Variants in KIAA0232 observed in about 807,000 individuals in gnomAD.
KIAA0232 encodes KIAA0232.
In KIAA0232, 27 loss-of-function variants were observed where a neutral mutation model predicts 122.0. That is an observed-to-expected ratio of 0.22 (90% CI 0.16 to 0.31). The LOEUF (loss-of-function observed/expected upper bound fraction) is 0.31. Ranked by LOEUF, KIAA0232 falls within the 10% of genes least tolerant of loss-of-function variation. KIAA0232 has a pLI of 1.00. For synonymous variants in KIAA0232, 613 were observed against 587.6 expected, an observed-to-expected ratio of 1.04 and a Z score of -0.63; for missense variants, 1,551 against 1,634.2, an observed-to-expected ratio of 0.95 and a Z score of 0.88.
intron 3 of KIAA0232, among the ~76,000 whole-genome samples, chr4:6,836,983 T>C (rs930078754): frequency 2.6e-5 from 4 of 152,216 alleles, no homozygotes; most frequent in African/African-American, 7.2e-5. Flanking sequence ...TCTCCCTTTC[T>C]TTTCCCCACA....
intron 1 of KIAA0232, among the ~76,000 whole-genome samples, chr4:6,800,374 T>C (rs532957277): frequency 6.6e-6 from 1 of 151,230 alleles, no homozygotes; most frequent in African/African-American, 2.4e-5. Flanking sequence ...TGATGTGTTC[T>C]GATTTTATTA....
rs1275128151 is a variant in KIAA0232, at chr4:6,849,639, TGTG to T, written c.369+7442_369+7444del. ...TCAAACAAAGAAAAAATTAGCCGGATGTGGTGGTGCATGCCTGTAGTCCCAGCT... is the reference window on the plus strand; with the variant it reads ...TCAAACAAAGAAAAAATTAGCCGGATGTGGTGCATGCCTGTAGTCCCAGCT... On this transcript the variant is annotated intron_variant, in intron 4 of 9. Transcript: ENST00000307659. Among the ~76,000 whole-genome samples the T allele has an allele frequency of 7.9e-5, 12 of 151,870 alleles. No individual in the cohort carries two copies. The South Asian group carries it at 2.3e-3, about 29-fold the overall frequency.
chr4:6,880,734 CT>C, intron 9 of KIAA0232, 52 bp from the exon 10 acceptor site: 1 of 1,297,356 alleles, frequency 7.7e-7, no homozygotes, highest in East Asian at 2.6e-5. Flanking sequence ...GTATCTCACC[CT>C]TTTGGGGAAA....
chr4:6,876,598 A>C (rs1472925074), intron 8 of KIAA0232, 62 bp from the exon 9 acceptor site: 2 of 1,104,430 alleles, frequency 1.8e-6, no homozygotes. Flanking sequence ...ATGTTTCATA[A>C]CTGTGTCTTA....
chr4:6,863,398 G>A lies in KIAA0232; in HGVS notation c.3016G>A (p.Glu1006Lys). Residue 1006 changes from glutamate to lysine, a missense_variant, in exon 7 of 10, where the codon GAA (glutamate) becomes AAA (lysine). By Grantham distance (56) the Glu-to-Lys change is moderately conservative. Transcript: ENST00000307659. ...ACAGAATGATCAGCCGAAGAGTGGG[G>A]AAAATGGGTTAAATAAGGGATTTTC... ...FEQNDQPKSG[E>K]NGLNKGFSFI... 6.2e-7 allele frequency: 1 copy of A among 1,614,130 alleles called. No individual in the cohort carries two copies. The highest frequency in any genetic ancestry group is 8.5e-7 in the Non-Finnish European group (1 of 1,180,030).
intron 4 of KIAA0232, among the ~76,000 whole-genome samples, chr4:6,845,362 T>A (rs1055761210): frequency 1.2e-4 from 19 of 152,094 alleles, no homozygotes; most frequent in African/African-American, 4.6e-4. Flanking sequence ...GTTTTTTGTT[T>A]TAATTTTAAA....
intron 1 of KIAA0232, among the ~76,000 whole-genome samples, chr4:6,785,587 T>C (rs911829708): frequency 1.3e-5 from 2 of 152,258 alleles, no homozygotes; most frequent in South Asian, 4.1e-4. Context: ...TCAGATTACT[T>C]GCTTTGCTTA....
rs1716538033 is a variant in KIAA0232, at chr4:6,784,724, C to A, written c.-354+1883C>A. On this transcript the variant is annotated intron_variant, in intron 1 of 9. Coordinates refer to ENST00000307659, the MANE Select transcript of KIAA0232 (RefSeq NM_014743.3). Reference sequence around the variant, plus strand: ...GGGTATAATGGTTTTTATGTAAGCCCGTTACATCAGTGAAATGCCAGTTTT... The same window carrying A: ...GGGTATAATGGTTTTTATGTAAGCCAGTTACATCAGTGAAATGCCAGTTTT... Among the ~76,000 whole-genome samples, 3 of 152,170 alleles carry A rather than the reference C, an allele frequency of 2.0e-5. No individual in the cohort carries two copies. In the East Asian group the frequency reaches 5.8e-4, roughly 29 times the overall value.
intron 1 of KIAA0232, among the ~76,000 whole-genome samples, chr4:6,798,133 A>G (rs1037792167): frequency 1.3e-5 from 2 of 152,208 alleles, no homozygotes; most frequent in African/African-American, 4.8e-5. Flanking sequence ...ATAGTATGAT[A>G]GAAAGGGCAC....
At chr4:6,834,435 T>G (rs1195178282) in intron 3 of KIAA0232, among the ~76,000 whole-genome samples, 3 of 152,202 alleles carry the variant, frequency 2.0e-5, no homozygotes, top group Non-Finnish European at 4.4e-5. Flanking sequence ...ATACAAATAT[T>G]TCCTTCAAAT....
In KIAA0232 at chr4:6,862,781, CAG is replaced by C; in HGVS notation, c.2401_2402del (p.Glu801LysfsTer5). 1 of 1,613,928 alleles carries C rather than the reference CAG, an allele frequency of 6.2e-7. No homozygotes were observed. The highest frequency in any genetic ancestry group is 8.5e-7 in the Non-Finnish European group (1 of 1,179,974). ...TGTGGTATTCAGCTAGAACAAAAAA[CAG>C]AAAACAAAAATTTTGAAACTACACA... On this transcript the variant is annotated frameshift_variant, in exon 7 of 10. Transcript: ENST00000307659. LOFTEE classifies it high-confidence loss of function.
At chr4:6,865,167 A>T (rs1345499533) in intron 7 of KIAA0232, among the ~76,000 whole-genome samples, 1 of 152,222 alleles carries the variant, frequency 6.6e-6, no homozygotes, top group East Asian at 1.9e-4. Context: ...GGTTAAACTG[A>T]TTGTACAAGA....
At chr4:6,805,868 T>C (rs890921701) in intron 2 of KIAA0232, among the ~76,000 whole-genome samples, 1 of 152,184 alleles carries the variant, frequency 6.6e-6, no homozygotes, top group African/African-American at 2.4e-5. Context: ...TTTCCATTTT[T>C]CCTAATTGAA....
At chr4:6,789,922 A>C (rs1023160670) in intron 1 of KIAA0232, among the ~76,000 whole-genome samples, 1 of 151,850 alleles carries the variant, frequency 6.6e-6, no homozygotes, top group African/African-American at 2.4e-5. Flanking sequence ...CCAGCTACTT[A>C]GGAGGCTGAG....
chr4:6,875,721 C>A (rs1721715858), intron 8 of KIAA0232, among the ~76,000 whole-genome samples: 1 of 152,122 alleles, frequency 6.6e-6, no homozygotes, highest in African/African-American at 2.4e-5. Context: ...AGTAGATGCT[C>A]AAGGGTGTTA....
chr4:6,807,184 A>G (rs898231954), intron 2 of KIAA0232, among the ~76,000 whole-genome samples: 6 of 152,198 alleles, frequency 3.9e-5, no homozygotes, highest in African/African-American at 1.4e-4. Context: ...ATAGGCACAC[A>G]CCATGGCATC....
chr4:6,840,795 G>C (rs1030320625), intron 3 of KIAA0232, among the ~76,000 whole-genome samples: 1 of 151,034 alleles, frequency 6.6e-6, no homozygotes, highest in East Asian at 1.9e-4. Context: ...TGGGATTACA[G>C]ACATGAGCCA....
rs908768708 is a variant in KIAA0232 at position 6,855,525 on chromosome 4, T to C, written c.370-1639T>C. On this transcript the variant is annotated intron_variant, in intron 4 of 9. Coordinates refer to ENST00000307659, the MANE Select transcript of KIAA0232 (RefSeq NM_014743.3). The surrounding 1 kb of genome is among the most constrained non-coding windows in gnomAD (Gnocchi z 4.3). ...TGTTTAAACATGAGAGCAAAAAAAA[T>C]ATATGTTTATATATGACAGCAAATA... Among the ~76,000 whole-genome samples the C allele has an allele frequency of 2.6e-5, 4 of 152,088 alleles. No individual in the cohort carries two copies. The highest frequency in any genetic ancestry group is 7.2e-5 in the African/African-American group (3 of 41,414).
chr4:6,819,660 AATT>A (rs1718326771), intron 2 of KIAA0232, among the ~76,000 whole-genome samples: 1 of 152,178 alleles, frequency 6.6e-6, no homozygotes, highest in Non-Finnish European at 1.5e-5. Context: ...TGGGAATCTA[AATT>A]AGTTCAGCCA....
Sources: gnomAD v4.1 joint callset for allele counts (sites outside exome capture counted in the v4.1 genomes callset) on GRCh38, gnomAD v4.1.1 for gene constraint, Gnocchi (gnomAD v3.1) non-coding constraint, MANE v1.5 for transcripts, NCBI Gene and HGNC (gene_info 2026-07-23, HGNC 2026-07-21) for gene names.